Variants in ULK2 observed in about 807,000 individuals in gnomAD.
ULK2 encodes serine/threonine-protein kinase ULK2.
Under a neutral mutation model 127.5 loss-of-function variants are expected in ULK2, and 76 were observed. The ratio of observed to expected loss-of-function variants is 0.60; its 90% CI spans 0.50 to 0.72. The LOEUF is 0.72. ULK2 is among the 30% of genes least tolerant of loss of function. The pLI is 0.00. For synonymous variants in ULK2, 452 were observed against 461.9 expected, an observed-to-expected ratio of 0.98 and a Z score of 0.28; for missense variants, 1,144 against 1,295.9, an observed-to-expected ratio of 0.88 and a Z score of 1.80.
Position 19,777,578 on chromosome 17 carries a change from T to G in ULK2, c.3052+3A>C, listed in dbSNP as rs200014850. 6.3e-7 allele frequency: 1 copy of G among 1,596,940 alleles called. No individual in the cohort carries two copies. Among genetic ancestry groups the G allele is most frequent in the African/African-American group, 1.4e-5 (1 of 74,026 alleles). On this transcript the variant is annotated splice_donor_region_variant and intron_variant, in intron 26 of 26. Coordinates refer to ENST00000395544, the MANE Select transcript of ULK2 (RefSeq NM_014683.4). ...AAATACACTACTTTGTAAGTCAACT[T>G]ACATTTATGCACATTTTCAATATCT...
chr17:19,771,677 A>T lies in ULK2; in HGVS notation c.*4672T>A, dbSNP rs1231235894. ...CTCACCTCAACTCTGTGAGACATGC[A>T]CTCTTCCCCCACTGACAGATTCGGA... On this transcript the variant is annotated 3_prime_UTR_variant, in exon 27 of 27. Transcript: ENST00000395544. The T allele has an allele frequency of 6.6e-6, 1 of 152,068 alleles. No individual in the cohort carries two copies. Among genetic ancestry groups the T allele is most frequent in the African/African-American group, 2.4e-5 (1 of 41,380 alleles). 9.4% of individuals were successfully genotyped at this position (152,068 alleles called of 1,614,324 possible).
intron 3 of ULK2, among the ~76,000 whole-genome samples, chr17:19,858,591 A>G (rs1225598424): frequency 2.0e-5 from 3 of 152,148 alleles, no homozygotes; most frequent in Non-Finnish European, 4.4e-5. Context: ...CCTATGCATC[A>G]TAGGACAGCA....
rs1289468993 is a variant in ULK2 at position 19,776,441 on chromosome 17, G to A, written c.3053-34C>T. On this transcript the variant is annotated intron_variant, in intron 26 of 26. Transcript: ENST00000395544. ...AAAATAACAAAAATGAAGAACTAAT[G>A]AAAAAAATCACTATATTGTCATCTC... The A allele has an allele frequency of 3.3e-6, 5 of 1,526,036 alleles. No homozygotes were observed. In the Admixed American group the frequency reaches 6.1e-5, roughly 18 times the overall value. The allele number at this position is 1,526,036 out of a possible 1,614,324, so 94.5% of individuals were successfully genotyped here. A position where few individuals can be genotyped will look rare whatever the true frequency, so the allele number is the denominator to read the frequency against.
chr17:19,850,098 G>C (rs1009368699), intron 3 of ULK2, among the ~76,000 whole-genome samples: 1 of 152,038 alleles, frequency 6.6e-6, no homozygotes, highest in Admixed American at 6.6e-5. Context: ...ATTTACAATG[G>C]GGAAAAAGGA....
At chr17:19,851,510 C>A (rs985573976) in intron 3 of ULK2, among the ~76,000 whole-genome samples, 1 of 151,148 alleles carries the variant, frequency 6.6e-6, no homozygotes, top group African/African-American at 2.4e-5. Flanking sequence ...CGTGGTGGTG[C>A]ACGCCTGCAA....
intron 22 of ULK2, among the ~76,000 whole-genome samples, chr17:19,782,722 C>G (rs1237924075): frequency 6.6e-6 from 1 of 152,124 alleles, no homozygotes; most frequent in African/African-American, 2.4e-5. Flanking sequence ...TTGAGACCAG[C>G]CTGGCCAACA....
chr17:19,804,426 C>A lies in ULK2; in HGVS notation c.1295+267G>T, dbSNP rs540947799. 1.5e-4 allele frequency among the ~76,000 whole-genome samples: 23 copies of A among 151,698 alleles called. No individual in the cohort carries two copies. In the South Asian group the frequency reaches 4.8e-3, roughly 31 times the overall value. On this transcript the variant is annotated intron_variant, in intron 15 of 26. Coordinates refer to ENST00000395544, the MANE Select transcript of ULK2 (RefSeq NM_014683.4). ...TCCTCAATTCTTAAAAGTAATTATA[C>A]ATTTTAAGTATATATGTCTATACAC...
chr17:19,851,807 C>T (rs1178310503), intron 3 of ULK2, among the ~76,000 whole-genome samples: 1 of 151,804 alleles, frequency 6.6e-6, no homozygotes, highest in Non-Finnish European at 1.5e-5. Context: ...GGTCGGATTA[C>T]AACGTCAGGA....
chr17:19,784,104 T>A (rs2086977942), intron 21 of ULK2, 199 bp from the exon 22 acceptor site: 1 of 417,132 alleles, frequency 2.4e-6, no homozygotes, highest in Non-Finnish European at 4.1e-6. Context: ...TGTCTATATA[T>A]TTTATATTAG....
chr17:19,842,789 C>CAGCCCT (rs1257797128), intron 8 of ULK2, among the ~76,000 whole-genome samples: 1 of 152,038 alleles, frequency 6.6e-6, no homozygotes, highest in Non-Finnish European at 1.5e-5. Flanking sequence ...AGACCAGCCC[C>CAGCCCT]AGCCCTCATG....
chr17:19,783,598 T>C, intron 22 of ULK2, 99 bp downstream of exon 22: 4 of 1,214,054 alleles, frequency 3.3e-6, no homozygotes, highest in South Asian at 3.1e-5. Flanking sequence ...AAAGAGAACA[T>C]AACTTCCTAA....
Position 19,867,904 on chromosome 17 carries a change from G to C in ULK2, c.-487C>G, listed in dbSNP as rs376640654. The C allele has an allele frequency of 2.0e-5, 3 of 151,000 alleles. No homozygotes were observed. Among genetic ancestry groups the C allele is most frequent in the Non-Finnish European group, 4.4e-5 (3 of 67,684 alleles). The allele number at this position is 151,000 out of a possible 1,614,324, so 9.4% of individuals were successfully genotyped here. A position where few individuals can be genotyped will look rare whatever the true frequency, so the allele number is the denominator to read the frequency against. ...TCCCCGCCTCGCGGCGGCGCCCAAC[G>C]CCCTCGCGCGCGCTACCCGCTCCCG... On this transcript the variant is annotated 5_prime_UTR_variant, in exon 1 of 27. Coordinates refer to ENST00000395544, the MANE Select transcript of ULK2 (RefSeq NM_014683.4).
chr17:19,785,835 A>C, intron 21 of ULK2, 102 bp downstream of exon 21: 1 of 1,390,250 alleles, frequency 7.2e-7, no homozygotes, highest in Non-Finnish European at 9.6e-7. Context: ...ACTGAAGCCC[A>C]GAGAATTAAG....
At chr17:19,790,214 C>T (rs1013073515) in intron 20 of ULK2, among the ~76,000 whole-genome samples, 1 of 152,134 alleles carries the variant, frequency 6.6e-6, no homozygotes, top group Non-Finnish European at 1.5e-5. Context: ...GACAGGAGTT[C>T]GAGACTATCC....
chr17:19,796,141 T>C lies in ULK2; in HGVS notation c.1951A>G (p.Ser651Gly), dbSNP rs149708645. 4 of 1,614,042 alleles carry C rather than the reference T, an allele frequency of 2.5e-6. No homozygotes were observed. The highest frequency in any genetic ancestry group is 3.4e-6 in the Non-Finnish European group (4 of 1,180,000). ...ECAHCLLVQG[S>G]ERQRAEQQSK... ...TGCTGCTCGGCCCGCTGCCTCTCACTTCCTTGCACTAAGAGGCAATGGGCA... is the reference window on the plus strand; with the variant it reads ...TGCTGCTCGGCCCGCTGCCTCTCACCTCCTTGCACTAAGAGGCAATGGGCA... The change falls in exon 19 of 27, where the codon AGT (serine) becomes GGT (glycine). Residue 651 changes from serine (S) to glycine (G), a missense_variant. Ser to Gly is a moderately conservative substitution (Grantham distance 56). Around this residue, in one of 2 missense-constraint regions of ULK2, gnomAD observed 913 missense variants for 970.5 expected, o/e 0.94. Transcript: ENST00000395544.
At chr17:19,829,497 A>AC (rs2041377445) in intron 10 of ULK2, among the ~76,000 whole-genome samples, 1 of 126,568 alleles carries the variant, frequency 7.9e-6, no homozygotes, top group African/African-American at 3.0e-5. Context: ...AGACTGCACC[A>AC]CCGCACTCCA....
intron 15 of ULK2, among the ~76,000 whole-genome samples, 155 bp from the exon 16 acceptor site, chr17:19,802,077 G>A (rs1424524732): frequency 6.6e-6 from 1 of 152,166 alleles, no homozygotes; most frequent in Non-Finnish European, 1.5e-5. Context: ...AAAGAGTGAG[G>A]TCTCCCTCTC....
chr17:19,840,937 A>G (rs149447113), intron 9 of ULK2, among the ~76,000 whole-genome samples: 3 of 152,116 alleles, frequency 2.0e-5, no homozygotes, highest in African/African-American at 7.2e-5. Context: ...GCTGCGGAAC[A>G]TCATCTGTGA....
At position 19,773,981 on chromosome 17, in the gene ULK2, GCTCT is replaced by G. The variant is rs200051258; in HGVS notation, c.*2364_*2367del. ...GGGAAACCAACTATATACAGCATAG[GCTCT>G]CTCTCTATATATAGTCCAGTGGAGG... On this transcript the variant is annotated 3_prime_UTR_variant, in exon 27 of 27. Coordinates refer to ENST00000395544, the MANE Select transcript of ULK2 (RefSeq NM_014683.4). The G allele has an allele frequency of 6.6e-6, 1 of 151,360 alleles. No homozygotes were observed. The highest frequency in any genetic ancestry group is 1.5e-5 in the Non-Finnish European group (1 of 67,544). 9.4% of individuals were successfully genotyped at this position (151,360 alleles called of 1,614,324 possible).
Sources: allele counts gnomAD v4.1 joint callset (sites outside exome capture counted in the v4.1 genomes callset), GRCh38; gene constraint gnomAD v4.1.1; regional missense constraint gnomAD v4.1.1; transcripts MANE v1.5; gene names NCBI Gene and HGNC (gene_info 2026-07-23, HGNC 2026-07-21).